The following TMEM200A variants were observed in gnomAD, a reference collection of about 807,000 sequenced individuals.
The protein encoded by TMEM200A is transmembrane protein 200A.
In TMEM200A, 12 loss-of-function variants were observed where a neutral mutation model predicts 24.3. That is an observed-to-expected ratio of 0.49 (90% CI 0.32 to 0.80). The LOEUF is 0.80. TMEM200A is among the 30% of genes least tolerant of loss of function. The pLI is 0.04. For missense variants in TMEM200A, 545 were observed against 614.4 expected (o/e 0.89, Z 1.19); for synonymous variants, 224 against 224.4 (o/e 1.00, Z 0.02).
rs762222574 is a variant in TMEM200A at position 130,441,218 on chromosome 6, G to A, written c.796G>A (p.Asp266Asn). The change falls in exon 3 of 3, where the codon GAT becomes AAT. Residue 266 changes from aspartate (D) to asparagine (N), a missense_variant. Coordinates refer to ENST00000296978, the MANE Select transcript of TMEM200A (RefSeq NM_001258277.2). ...CTATCCACCTCCTTCCAAGACAACT[G>A]ATGATAAGACCAGCGGCTCTAAGAA... The part of the protein sequence containing the change: ...GLYPPPSKTT[D>N]DKTSGSKKCE... 5.0e-6 allele frequency: 8 copies of A among 1,613,984 alleles called. No homozygotes were observed. The highest frequency in any genetic ancestry group is 6.8e-6 in the Non-Finnish European group (8 of 1,179,998).
chr6:130,424,266 T>C (rs943177364), intron 2 of TMEM200A, among the ~76,000 whole-genome samples: 13 of 152,276 alleles, frequency 8.5e-5, no homozygotes, highest in Admixed American at 5.9e-4. Flanking sequence ...CTGTGTGACA[T>C]TGAACAAATT....
At chr6:130,379,784 G>C (rs1163267006) in intron 1 of TMEM200A, among the ~76,000 whole-genome samples, 1 of 152,032 alleles carries the variant, frequency 6.6e-6, no homozygotes, top group African/African-American at 2.4e-5. Flanking sequence ...AGAGAAATAT[G>C]GAATGGAAAC....
At chr6:130,427,120 C>T (rs1319243667) in intron 2 of TMEM200A, among the ~76,000 whole-genome samples, 1 of 152,196 alleles carries the variant, frequency 6.6e-6, no homozygotes, top group Non-Finnish European at 1.5e-5. Context: ...ATGTACCAGA[C>T]TGGTTTGCCT....
rs1780208329 is a variant in TMEM200A, at chr6:130,442,075, G to A, written c.*177G>A. On this transcript the variant is annotated 3_prime_UTR_variant, in exon 3 of 3. Transcript: ENST00000296978. The stretch of plus-strand genomic sequence containing the variant: ...TATGTTTGGGTTACTTGTGACTGCA[G>A]TACTCTATGTTACCACACATGATTT... The A allele has an allele frequency of 1.8e-6, 1 of 541,826 alleles. No individual in the cohort carries two copies. The highest frequency in any genetic ancestry group is 3.2e-6 in the Non-Finnish European group (1 of 308,932). 33.6% of individuals were successfully genotyped at this position (541,826 alleles called of 1,614,324 possible).
At position 130,440,491 on chromosome 6, in the gene TMEM200A, G is replaced by A. The variant is rs1780131557; in HGVS notation, c.69G>A (p.Gln23=). ...AAAGGCAAGACTCTGCCAGATCACA[G>A]CAGCATGTCAACCTCAGCCCGTCTC... ...ALKRQDSARS[Q]QHVNLSPSPA... The change falls in exon 3 of 3, where the codon CAG becomes CAA. Residue 23 remains glutamine (Q), a synonymous_variant. Coordinates refer to ENST00000296978, the MANE Select transcript of TMEM200A (RefSeq NM_001258277.2). 3 of 1,613,710 alleles carry A rather than the reference G, an allele frequency of 1.9e-6. No homozygotes were observed. The highest frequency in any genetic ancestry group is 1.1e-5 in the South Asian group (1 of 91,034).
At position 130,426,474 on chromosome 6, in the gene TMEM200A, A is replaced by G. The variant is rs187994981; in HGVS notation, c.-16-13933A>G. Among the ~76,000 whole-genome samples the G allele has an allele frequency of 4.7e-3, 623 of 133,184 alleles. 7 individuals are homozygous for G. The highest frequency in any genetic ancestry group is 0.016 in the African/African-American group (579 of 36,322). The allele number at this position is 133,184 out of a possible 152,430, so 87.4% of individuals were successfully genotyped here. On this transcript the variant is annotated intron_variant, in intron 2 of 2. Coordinates refer to ENST00000296978, the MANE Select transcript of TMEM200A (RefSeq NM_001258277.2). The stretch of plus-strand genomic sequence containing the variant: ...TCCTTTCTGCAGCCCCCCCCCCCTC[A>G]GTTTCCCTTCATCACAAGGCTGAAG...
chr6:130,412,692 G>A (rs1779360399), intron 2 of TMEM200A, among the ~76,000 whole-genome samples: 1 of 152,148 alleles, frequency 6.6e-6, no homozygotes, highest in Non-Finnish European at 1.5e-5. Context: ...CTGCTGTGCT[G>A]TGGATTCCTG....
Position 130,441,423 on chromosome 6 carries a change from C to G in TMEM200A, c.1001C>G (p.Thr334Ser), listed in dbSNP as rs757324325. The G allele has an allele frequency of 4.3e-6, 7 of 1,614,082 alleles. No homozygotes were observed. Among genetic ancestry groups the G allele is most frequent in the Non-Finnish European group, 5.9e-6 (7 of 1,180,004 alleles). The change falls in exon 3 of 3, where the codon ACC becomes AGC. Residue 334 changes from threonine (T) to serine (S), a missense_variant. By Grantham distance (58) the Thr-to-Ser change is moderately conservative (BLOSUM62 1). Coordinates refer to ENST00000296978, the MANE Select transcript of TMEM200A (RefSeq NM_001258277.2). ...MDSLVVPLPN[T>S]SESFQPVSTV... ...TCCCTTGTGGTTCCTTTGCCCAACA[C>G]CAGTGAATCCTTCCAGCCCGTCAGC...
intron 2 of TMEM200A, among the ~76,000 whole-genome samples, chr6:130,426,346 G>C (rs1784052963): frequency 1.3e-5 from 2 of 152,084 alleles, no homozygotes; most frequent in Non-Finnish European, 2.9e-5. Flanking sequence ...AACGGAGGGA[G>C]TGGACTAGAG....
intron 2 of TMEM200A, among the ~76,000 whole-genome samples, chr6:130,399,555 T>C (rs1271780261): frequency 6.6e-6 from 1 of 151,848 alleles, no homozygotes; most frequent in Non-Finnish European, 1.5e-5. Context: ...TTATTATATT[T>C]TTATTCGACA....
chr6:130,412,925 C>T (rs1435910307), intron 2 of TMEM200A, among the ~76,000 whole-genome samples: 2 of 152,122 alleles, frequency 1.3e-5, no homozygotes, highest in East Asian at 3.8e-4. Flanking sequence ...TAAGGCAAAA[C>T]TTTGATGTCT....
At chr6:130,408,545 G>A (rs1779259040) in intron 2 of TMEM200A, among the ~76,000 whole-genome samples, 1 of 152,100 alleles carries the variant, frequency 6.6e-6, no homozygotes, top group Non-Finnish European at 1.5e-5. Context: ...AAAGGTCAAG[G>A]GAACAAAGAG....
chr6:130,408,252 T>A (rs4897422), intron 2 of TMEM200A, among the ~76,000 whole-genome samples: 21,551 of 152,122 alleles, frequency 0.14, 1,724 homozygotes, highest in East Asian at 0.35. Flanking sequence ...ACCAGAAGGA[T>A]CAGGAGGGAG....
chr6:130,436,624 C>A (rs370887457), intron 2 of TMEM200A, among the ~76,000 whole-genome samples: 1 of 49,660 alleles, frequency 2.0e-5, no homozygotes, highest in Non-Finnish European at 5.3e-5. Context: ...CTTCGTTTTT[C>A]TTTATCCTTT....
intron 2 of TMEM200A, among the ~76,000 whole-genome samples, chr6:130,432,510 G>A (rs559142101): frequency 3.3e-5 from 5 of 152,266 alleles, no homozygotes; most frequent in Non-Finnish European, 7.4e-5. Context: ...CATTCAGATA[G>A]TTTTTGACTC....
chr6:130,369,859 G>A (rs986348933), intron 1 of TMEM200A, among the ~76,000 whole-genome samples: 1 of 152,208 alleles, frequency 6.6e-6, no homozygotes, highest in African/African-American at 2.4e-5. Flanking sequence ...ACTCTGCTCT[G>A]AGCATGAAGT....
chr6:130,427,418 A>ATGAT (rs1224336583), intron 2 of TMEM200A, among the ~76,000 whole-genome samples: 1 of 152,190 alleles, frequency 6.6e-6, no homozygotes, highest in African/African-American at 2.4e-5. Context: ...TGGAGGCAGC[A>ATGAT]TGATTGATTT....
chr6:130,376,716 T>A (rs1384974518), intron 1 of TMEM200A, among the ~76,000 whole-genome samples: 1 of 152,202 alleles, frequency 6.6e-6, no homozygotes, highest in African/African-American at 2.4e-5. Context: ...AATTGAAATA[T>A]TGAAAAATAA....
intron 2 of TMEM200A, among the ~76,000 whole-genome samples, chr6:130,397,494 T>C (rs1452383701): frequency 6.6e-6 from 1 of 152,132 alleles, no homozygotes; most frequent in Admixed American, 6.6e-5. Context: ...CTTTTCATCC[T>C]TAATAATGTT....
Sources: gnomAD v4.1 joint callset for allele counts (sites outside exome capture counted in the v4.1 genomes callset) on GRCh38, gnomAD v4.1.1 for gene constraint, MANE v1.5 for transcripts, NCBI Gene and HGNC (gene_info 2026-07-23, HGNC 2026-07-21) for gene names.